Variants in ARHGAP24 observed in about 807,000 individuals in gnomAD.
ARHGAP24 encodes the protein rho GTPase-activating protein 24.
ARHGAP24 carries 50 observed loss-of-function variants against 76.4 expected under a neutral mutation model. That is an observed-to-expected ratio of 0.65 (90% CI 0.52 to 0.83). The LOEUF (loss-of-function observed/expected upper bound fraction) is 0.83, where lower values mean the gene tolerates loss of function less well. Among genes scored for constraint, ARHGAP24 ranks in the 40% least tolerant of loss-of-function variants. ARHGAP24 has a pLI of 0.00. For missense variants in ARHGAP24, 930 were observed against 914.2 expected (o/e 1.02, Z -0.22); for synonymous variants, 345 against 323.3 (o/e 1.07, Z -0.72).
intron 2 of ARHGAP24, among the ~76,000 whole-genome samples, chr4:85,666,372 G>C (rs1480211490): frequency 2.6e-5 from 4 of 151,948 alleles, no homozygotes; most frequent in Non-Finnish European, 2.9e-5. Flanking sequence ...TCTCTGTATT[G>C]GTTATTCTAG....
At chr4:85,825,089 C>T (rs958087979) in intron 3 of ARHGAP24, among the ~76,000 whole-genome samples, 2 of 148,878 alleles carry the variant, frequency 1.3e-5, no homozygotes, top group African/African-American at 4.9e-5. Flanking sequence ...GACTTCATCT[C>T]AAAAAAACGA....
At chr4:85,872,688 C>G (rs993368082) in intron 3 of ARHGAP24, among the ~76,000 whole-genome samples, 1 of 148,474 alleles carries the variant, frequency 6.7e-6, no homozygotes, top group Non-Finnish European at 1.5e-5. Context: ...ACCTCTGCCT[C>G]CCAGGTTCAA....
intron 3 of ARHGAP24, among the ~76,000 whole-genome samples, chr4:85,865,086 T>C (rs897233759): frequency 6.6e-6 from 1 of 152,130 alleles, no homozygotes; most frequent in Admixed American, 6.6e-5. Flanking sequence ...GTGACTTAGA[T>C]GTAGAAATGA....
chr4:85,902,455 T>TA (rs1378656786), intron 3 of ARHGAP24, among the ~76,000 whole-genome samples: 5 of 152,202 alleles, frequency 3.3e-5, no homozygotes, highest in Admixed American at 3.3e-4. Flanking sequence ...TACAACACCA[T>TA]AGTTCCCTGT....
At chr4:85,782,767 A>G (rs1304404043) in intron 3 of ARHGAP24, among the ~76,000 whole-genome samples, 1 of 152,230 alleles carries the variant, frequency 6.6e-6, no homozygotes, top group Non-Finnish European at 1.5e-5. Flanking sequence ...ATGTTCCTAC[A>G]TATTGGCCTT....
intron 2 of ARHGAP24, among the ~76,000 whole-genome samples, 174 bp from the exon 3 acceptor site, chr4:85,721,711 T>C (rs1724946159): frequency 6.6e-6 from 1 of 152,178 alleles, no homozygotes; most frequent in Admixed American, 6.6e-5. Flanking sequence ...TCGTTAAATC[T>C]TGAGTGAACA....
intron 3 of ARHGAP24, among the ~76,000 whole-genome samples, chr4:85,907,673 A>AATTGGAG (rs1734844704): frequency 6.6e-6 from 1 of 152,172 alleles, no homozygotes; most frequent in Non-Finnish European, 1.5e-5. Context: ...TGGGATTAGA[A>AATTGGAG]ATTGGAGATT....
chr4:85,903,829 T>C (rs1050579882), intron 3 of ARHGAP24, among the ~76,000 whole-genome samples: 3 of 152,144 alleles, frequency 2.0e-5, no homozygotes, highest in African/African-American at 7.2e-5. Context: ...TCCCAAAATA[T>C]ATTCCATAAA....
chr4:85,852,201 T>A (rs1229704965), intron 3 of ARHGAP24, among the ~76,000 whole-genome samples: 1 of 152,212 alleles, frequency 6.6e-6, no homozygotes, highest in Non-Finnish European at 1.5e-5. Context: ...ATTAATTTGA[T>A]CTTCAGTCAC....
intron 2 of ARHGAP24, among the ~76,000 whole-genome samples, chr4:85,682,221 C>T (rs148828017): frequency 1.5e-3 from 224 of 152,294 alleles, no homozygotes; most frequent in African/African-American, 5.1e-3. Flanking sequence ...GTAAAGAAAC[C>T]ATAATAAGCC....
At chr4:85,607,596 A>G (rs913579534) in intron 2 of ARHGAP24, among the ~76,000 whole-genome samples, 11 of 151,896 alleles carry the variant, frequency 7.2e-5, no homozygotes, top group African/African-American at 2.7e-4. Flanking sequence ...CTATATTCAC[A>G]TATATCACAG....
chr4:85,539,267 C>T (rs1222227767), intron 1 of ARHGAP24, among the ~76,000 whole-genome samples: 2 of 152,118 alleles, frequency 1.3e-5, no homozygotes, highest in Admixed American at 6.6e-5. Context: ...TACTTTCCTT[C>T]CTTCCAAGTC....
chr4:85,817,440 G>A (rs886455425), intron 3 of ARHGAP24, among the ~76,000 whole-genome samples: 2 of 152,112 alleles, frequency 1.3e-5, no homozygotes, highest in African/African-American at 4.8e-5. Flanking sequence ...TATGTGATGT[G>A]AGTTAAGGGT....
chr4:85,719,692 A>T (rs1035889719), intron 2 of ARHGAP24, among the ~76,000 whole-genome samples: 36 of 152,192 alleles, frequency 2.4e-4, no homozygotes, highest in African/African-American at 8.7e-4. Context: ...GCCGTTAACT[A>T]TATGCCAGGC....
At chr4:85,516,561 T>C (rs141104743) in intron 1 of ARHGAP24, among the ~76,000 whole-genome samples, 17 of 152,216 alleles carry the variant, frequency 1.1e-4, no homozygotes, top group Non-Finnish European at 2.2e-4. Flanking sequence ...TATTTTCTTA[T>C]GTTTAAGGGC....
intron 3 of ARHGAP24, among the ~76,000 whole-genome samples, chr4:85,869,166 G>A (rs1336329499): frequency 6.6e-6 from 1 of 152,070 alleles, no homozygotes; most frequent in Non-Finnish European, 1.5e-5. Flanking sequence ...TGCCCATAAT[G>A]TTGAAAATAA....
chr4:85,789,381 T>C (rs1403943229), intron 3 of ARHGAP24, among the ~76,000 whole-genome samples: 1 of 151,852 alleles, frequency 6.6e-6, no homozygotes, highest in Non-Finnish European at 1.5e-5. Context: ...TTTTTCTTTT[T>C]TTTTAAAGAG....
At chr4:85,590,213 C>G (rs1340787814) in intron 2 of ARHGAP24, among the ~76,000 whole-genome samples, 11 of 131,308 alleles carry the variant, frequency 8.4e-5, no homozygotes, top group African/African-American at 3.1e-4. Context: ...TTCCTTCCTT[C>G]CTTCCTTCCT....
At chr4:85,593,027 C>T (rs1728181310) in intron 2 of ARHGAP24, among the ~76,000 whole-genome samples, 1 of 152,062 alleles carries the variant, frequency 6.6e-6, no homozygotes, top group South Asian at 2.1e-4. Flanking sequence ...TTAGGAACCT[C>T]CAAACTGTTC....
Sources: allele counts gnomAD v4.1 joint callset (sites outside exome capture counted in the v4.1 genomes callset), GRCh38; gene constraint gnomAD v4.1.1; transcripts MANE v1.5; gene names NCBI Gene and HGNC (gene_info 2026-07-23, HGNC 2026-07-21).